TEX11: variants seen among roughly 807,000 people sequenced by gnomAD.
TEX11 encodes testis-expressed protein 11.
TEX11 carries 7 observed loss-of-function variants against 84.4 expected under a neutral mutation model. The observed-to-expected ratio is 0.08, with a 90% confidence interval of 0.05 to 0.16. The LOEUF (loss-of-function observed/expected upper bound fraction) is 0.16, where lower values mean the gene tolerates loss of function less well. TEX11 is among the 10% of genes least tolerant of loss of function. TEX11 has a pLI of 1.00. For missense variants in TEX11, 551 were observed against 660.5 expected, an observed-to-expected ratio of 0.83 and a Z score of 1.82; for synonymous variants, 264 against 222.8, an observed-to-expected ratio of 1.18 and a Z score of -1.64.
At chrX:70,516,627 CTT>C in the TEX11 span, among the ~76,000 whole-genome samples, 1 of 111,103 alleles carries the variant, frequency 9.0e-6, no homozygotes, top group Non-Finnish European at 1.9e-5. Context: ...TCCATATGAA[CTT>C]TAAAGTAGTT....
chrX:70,586,013 T>C (rs1370827481), intron 25 of TEX11, among the ~76,000 whole-genome samples: 1 of 112,592 alleles, frequency 8.9e-6, no homozygotes, highest in East Asian at 2.8e-4. Flanking sequence ...GGTTGTGCCA[T>C]TGCACTCCAG....
At chrX:70,624,196 A>G (rs936846658) in intron 19 of TEX11, among the ~76,000 whole-genome samples, 190 bp from the exon 20 acceptor site, 2 of 112,059 alleles carry the variant, frequency 1.8e-5, no homozygotes, top group African/African-American at 6.5e-5. Context: ...AAAACATACC[A>G]ATTTTATAAT....
At chrX:70,827,322 G>A (rs1382435334) in intron 8 of TEX11, among the ~76,000 whole-genome samples, 1 of 111,614 alleles carries the variant, frequency 9.0e-6, no homozygotes, top group Non-Finnish European at 1.9e-5. Context: ...GGCTTCAGGG[G>A]ACACCCAGCA....
chrX:70,871,696 G>A (rs7055490), intron 4 of TEX11, among the ~76,000 whole-genome samples: 14,240 of 110,437 alleles, frequency 0.13, 809 homozygotes, highest in Middle Eastern at 0.27. Context: ...GAACTGCTAC[G>A]TGAAATGAGA....
intron 8 of TEX11, among the ~76,000 whole-genome samples, chrX:70,811,582 A>G (rs2091254825): frequency 9.0e-6 from 1 of 111,194 alleles, no homozygotes; most frequent in Non-Finnish European, 1.9e-5. Flanking sequence ...CTAGTTCAAG[A>G]TCCCTGAGGA....
chrX:70,730,011 T>G (rs1470801425), intron 11 of TEX11, among the ~76,000 whole-genome samples: 1 of 112,056 alleles, frequency 8.9e-6, no homozygotes, highest in African/African-American at 3.2e-5. Context: ...TATTCAACAT[T>G]CTTAAAGAAA....
downstream of TEX11, among the ~76,000 whole-genome samples, chrX:70,525,259 G>A (rs192284846): frequency 2.7e-5 from 3 of 110,822 alleles, no homozygotes; most frequent in Admixed American, 2.9e-4. Context: ...AGACTTAGAA[G>A]TTTTCATTCT....
chrX:70,847,057 G>T (rs1028946654), intron 7 of TEX11, among the ~76,000 whole-genome samples: 4 of 111,657 alleles, frequency 3.6e-5, no homozygotes, highest in African/African-American at 1.3e-4. Context: ...GTGAGTTCTT[G>T]CTCTAGTAGT....
intron 25 of TEX11, among the ~76,000 whole-genome samples, chrX:70,579,664 C>T (rs1318831794): frequency 9.0e-6 from 1 of 111,439 alleles, no homozygotes; most frequent in African/African-American, 3.3e-5. Flanking sequence ...ATCTAGTAAT[C>T]TAATTTTTAA....
rs1037245257 is a variant in TEX11 at position 70,816,339 on chromosome X, A to G, written c.607-9549T>C. On this transcript the variant is annotated intron_variant, in intron 8 of 29. Transcript: ENST00000374333. The stretch of plus-strand genomic sequence containing the variant: ...CACTTGAATAACAGGTATTTTTAAA[A>G]TTTATTTTTATAGTTCTATAATTTT... Among the ~76,000 whole-genome samples the G allele has an allele frequency of 2.7e-5, 3 of 111,974 alleles. No homozygotes were observed. In the Admixed American group the frequency reaches 2.9e-4, roughly 11 times the overall value.
At chrX:70,800,346 T>TGA (rs1163383840) in intron 9 of TEX11, among the ~76,000 whole-genome samples, 1 of 111,165 alleles carries the variant, frequency 9.0e-6, no homozygotes, top group Non-Finnish European at 1.9e-5. Flanking sequence ...TCCCATGACA[T>TGA]GAGTTTACCT....
chrX:70,757,838 A>T (rs995786872), intron 9 of TEX11, among the ~76,000 whole-genome samples: 12 of 111,791 alleles, frequency 1.1e-4, no homozygotes, highest in Non-Finnish European at 2.3e-4. Flanking sequence ...AATTGGATAA[A>T]GAGTCAAGAC....
intron 13 of TEX11, among the ~76,000 whole-genome samples, chrX:70,719,846 C>T (rs2090540905): frequency 9.0e-6 from 1 of 110,922 alleles, no homozygotes; most frequent in African/African-American, 3.3e-5. Flanking sequence ...GTTAGAATGG[C>T]GATCATTAAA....
chrX:70,663,163 A>C (rs774681635), intron 16 of TEX11, among the ~76,000 whole-genome samples: 55 of 111,576 alleles, frequency 4.9e-4, no homozygotes, highest in Middle Eastern at 4.7e-3. Context: ...TGTGGGCAGA[A>C]GATACCTCAA....
chrX:70,795,021 C>T (rs952664994), intron 9 of TEX11, among the ~76,000 whole-genome samples: 1 of 108,746 alleles, frequency 9.2e-6, no homozygotes, highest in Non-Finnish European at 1.9e-5. Flanking sequence ...GAGCACCAAG[C>T]AGTCTCTTGG....
chrX:70,591,122 C>A (rs2088923484), intron 25 of TEX11, among the ~76,000 whole-genome samples: 1 of 111,852 alleles, frequency 8.9e-6, no homozygotes, highest in Non-Finnish European at 1.9e-5. Context: ...TACATTTAGT[C>A]AAAGTTAAAG....
At chrX:70,811,520 T>C (rs1166750717) in intron 8 of TEX11, among the ~76,000 whole-genome samples, 1 of 112,104 alleles carries the variant, frequency 8.9e-6, no homozygotes. Context: ...GCATGATTTA[T>C]AATCTTTTGG....
intron 7 of TEX11, among the ~76,000 whole-genome samples, chrX:70,838,601 C>G (rs772096849): frequency 7.4e-4 from 83 of 112,009 alleles, no homozygotes; most frequent in African/African-American, 2.6e-3. Flanking sequence ...ACTGAGGTAC[C>G]GGGTTCATCT....
chrX:70,721,104 A>G (rs749230403), intron 13 of TEX11, among the ~76,000 whole-genome samples: 5 of 111,765 alleles, frequency 4.5e-5, no homozygotes, highest in African/African-American at 1.6e-4. Flanking sequence ...CGTTAGAGGT[A>G]CTTCATAATT....
Sources: allele counts gnomAD v4.1 joint callset (sites outside exome capture counted in the v4.1 genomes callset), GRCh38; gene constraint gnomAD v4.1.1; transcripts MANE v1.5; gene names NCBI Gene and HGNC (gene_info 2026-07-23, HGNC 2026-07-21).